FGF14: variants seen among roughly 807,000 people sequenced by gnomAD.
FGF14 encodes fibroblast growth factor 14, also known as fibroblast growth factor homologous factor 4.
A neutral mutation model predicts 25.5 loss-of-function variants in FGF14; 5 were observed. That is an observed-to-expected ratio of 0.20 (90% CI 0.10 to 0.41). FGF14 has a LOEUF of 0.41. Ranked by LOEUF, FGF14 falls within the 10% of genes least tolerant of loss-of-function variation. FGF14 has a pLI of 1.00. For missense variants in FGF14, 222 were observed against 320.1 expected, an observed-to-expected ratio of 0.69 and a Z score of 2.34; for synonymous variants, 138 against 118.3, an observed-to-expected ratio of 1.17 and a Z score of -1.08.
intron 3 of FGF14, among the ~76,000 whole-genome samples, chr13:101,800,771 T>G (rs1482531146): frequency 6.6e-6 from 1 of 152,098 alleles, no homozygotes; most frequent in Non-Finnish European, 1.5e-5. Context: ...GGATACAGAG[T>G]TCACACCTTA....
At chr13:102,257,420 C>T (rs1277993814) in intron 1 of FGF14, among the ~76,000 whole-genome samples, 2 of 123,366 alleles carry the variant, frequency 1.6e-5, no homozygotes, top group South Asian at 2.8e-4. Context: ...GGCATGATCT[C>T]GGCTCACCGC....
At chr13:101,889,599 C>G (rs890917383) in intron 1 of FGF14, among the ~76,000 whole-genome samples, 1 of 152,100 alleles carries the variant, frequency 6.6e-6, no homozygotes, top group African/African-American at 2.4e-5. Flanking sequence ...AAATAGACTG[C>G]AAACCACTCA....
chr13:101,951,873 T>C (rs2036188341), intron 1 of FGF14, among the ~76,000 whole-genome samples: 1 of 152,200 alleles, frequency 6.6e-6, no homozygotes, highest in Non-Finnish European at 1.5e-5. Flanking sequence ...TTGTTAATAC[T>C]GGAAGGAGAA....
rs150783542 is a variant in FGF14, at chr13:102,160,787, C to T, written c.208+240684G>A. 6.4e-3 allele frequency among the ~76,000 whole-genome samples: 978 copies of T among 152,064 alleles called. 11 individuals carry two copies. The highest frequency in any genetic ancestry group is 0.022 in the African/African-American group (929 of 41,478). ...CTTGGAGAAGAAGACTGAATGCTCA[C>T]GGTTGGCCACATCTATTTTTGGTGG... is the stretch of plus-strand genomic sequence containing the variant. On this transcript the variant is annotated intron_variant, in intron 1 of 4. Transcript: ENST00000376131.
At chr13:101,991,639 G>A (rs901308793) in intron 1 of FGF14, among the ~76,000 whole-genome samples, 1 of 152,130 alleles carries the variant, frequency 6.6e-6, no homozygotes, top group African/African-American at 2.4e-5. Context: ...CCAAAATGGA[G>A]AGACAGGTGG....
At chr13:102,362,113 C>A (rs1402394155) in intron 1 of FGF14, among the ~76,000 whole-genome samples, 1 of 152,136 alleles carries the variant, frequency 6.6e-6, no homozygotes, top group Non-Finnish European at 1.5e-5. Context: ...CTGATGTGAT[C>A]TGTTTGTTCC....
intron 3 of FGF14, among the ~76,000 whole-genome samples, chr13:101,866,450 T>C (rs545257318): frequency 6.6e-6 from 1 of 152,178 alleles, no homozygotes; most frequent in Non-Finnish European, 1.5e-5. Context: ...AAACTCTCTG[T>C]ATATCAGTGT....
At chr13:102,154,811 T>C (rs1463377824) in intron 1 of FGF14, among the ~76,000 whole-genome samples, 1 of 151,344 alleles carries the variant, frequency 6.6e-6, no homozygotes, top group Non-Finnish European at 1.5e-5. Flanking sequence ...AATAAAGGGA[T>C]GGAGAAAGAT....
intron 1 of FGF14, among the ~76,000 whole-genome samples, chr13:101,890,372 G>A (rs1348035868): frequency 2.0e-5 from 3 of 151,862 alleles, no homozygotes; most frequent in African/African-American, 4.8e-5. Flanking sequence ...CTTGGAAAAC[G>A]GACTAACGCT....
intron 1 of FGF14, among the ~76,000 whole-genome samples, chr13:102,291,817 T>C (rs1269143601): frequency 1.3e-5 from 2 of 152,124 alleles, no homozygotes; most frequent in Admixed American, 6.6e-5. Context: ...ACTCCTCCAA[T>C]GCTCTGGTTT....
At chr13:102,120,232 T>C (rs1241573151) in intron 1 of FGF14, among the ~76,000 whole-genome samples, 1 of 152,018 alleles carries the variant, frequency 6.6e-6, no homozygotes, top group African/African-American at 2.4e-5. Flanking sequence ...GGGGAAGATA[T>C]GGGCCTAATA....
At chr13:101,787,202 T>C (rs145614548) in intron 3 of FGF14, among the ~76,000 whole-genome samples, 8 of 152,202 alleles carry the variant, frequency 5.3e-5, no homozygotes, top group African/African-American at 1.7e-4. Context: ...TGTCCAAGAG[T>C]ATATCATAAA....
At chr13:102,343,361 G>A (rs2057010492) in intron 1 of FGF14, among the ~76,000 whole-genome samples, 1 of 152,184 alleles carries the variant, frequency 6.6e-6, no homozygotes, top group Admixed American at 6.6e-5. Context: ...CAGGTAGACA[G>A]GGATGACTGC....
chr13:102,051,694 C>A (rs1057162217), intron 1 of FGF14, among the ~76,000 whole-genome samples: 1 of 152,172 alleles, frequency 6.6e-6, no homozygotes, highest in Admixed American at 6.5e-5. Context: ...CACAGCAGCA[C>A]CCTTACTGGT....
rs2057663604 is a variant in FGF14 at position 102,364,825 on chromosome 13, AAAC to A, written c.208+36643_208+36645del. 5.3e-5 allele frequency among the ~76,000 whole-genome samples: 8 copies of A among 152,250 alleles called. No homozygotes were observed. The South Asian group carries it at 1.7e-3, about 32-fold the overall frequency. The stretch of plus-strand genomic sequence containing the variant: ...AGCATCAGCACACAACACAGCGCAA[AAAC>A]AACTGTCTATGGGAGAAATGTCCAA... On this transcript the variant is annotated intron_variant, in intron 1 of 4. Coordinates refer to the FGF14 transcript ENST00000376131.
At chr13:102,133,577 C>T (rs763116453) in intron 1 of FGF14, among the ~76,000 whole-genome samples, 6 of 152,034 alleles carry the variant, frequency 3.9e-5, no homozygotes, top group Admixed American at 6.6e-5. Flanking sequence ...GGTAAAATTT[C>T]CCAAGGAAAA....
intron 3 of FGF14, among the ~76,000 whole-genome samples, chr13:101,787,474 C>G (rs2039906382): frequency 6.6e-6 from 1 of 152,126 alleles, no homozygotes; most frequent in South Asian, 2.1e-4. Flanking sequence ...TTAAATCTAA[C>G]TTTACTGATC....
chr13:102,294,620 G>A (rs1191901794), intron 1 of FGF14, among the ~76,000 whole-genome samples: 1 of 152,148 alleles, frequency 6.6e-6, no homozygotes, highest in East Asian at 1.9e-4. Flanking sequence ...ATATTTGAGT[G>A]GTTGCTGGGA....
At chr13:102,234,094 A>T (rs149540296) in intron 1 of FGF14, among the ~76,000 whole-genome samples, 46 of 152,114 alleles carry the variant, frequency 3.0e-4, no homozygotes, top group African/African-American at 9.9e-4. Flanking sequence ...GTTTTGCAAG[A>T]TGGAAAGAGC....
Sources: gnomAD v4.1 joint callset for allele counts (sites outside exome capture counted in the v4.1 genomes callset) on GRCh38, gnomAD v4.1.1 for gene constraint, MANE v1.5 for transcripts, NCBI Gene and HGNC (gene_info 2026-07-23, HGNC 2026-07-21) for gene names.